Variants in MS4A12 observed in about 807,000 individuals in gnomAD.
MS4A12 encodes the protein membrane spanning 4-domains A12.
Under a neutral mutation model 23.7 loss-of-function variants are expected in MS4A12, and 28 were observed. The ratio of observed to expected loss-of-function variants is 1.18; its 90% CI spans 0.88 to 1.62. The LOEUF (loss-of-function observed/expected upper bound fraction) is 1.62, where lower values mean the gene tolerates loss of function less well. Ranked by LOEUF, MS4A12 falls within the 40% of genes most tolerant of loss-of-function variation. MS4A12 has a pLI of 0.00. For missense variants in MS4A12, 342 were observed against 327.0 expected (o/e 1.05, Z -0.35); for synonymous variants, 108 against 110.1 (o/e 0.98, Z 0.12).
rs137894801 is a variant in MS4A12 at position 60,497,460 on chromosome 11, C to G, written c.142C>G (p.Arg48Gly). The G allele has an allele frequency of 6.8e-6, 11 of 1,614,162 alleles. No homozygotes were observed. Among genetic ancestry groups the G allele is most frequent in the Middle Eastern group, 1.6e-4 (1 of 6,062 alleles). The change falls in exon 2 of 7, where the codon CGT (arginine) becomes GGT (glycine). Residue 48 changes from arginine to glycine, a missense_variant. Transcript: ENST00000016913. ...AGAAAACCAAGCTCAGGGTGCTCAG[C>G]GTGCTCAGCCCTACGGCATCACATC... is the stretch of plus-strand genomic sequence containing the variant. ...NLENQAQGAQRAQPYGITSPG... is the reference protein window; with the variant it reads ...NLENQAQGAQGAQPYGITSPG...
intron 3 of MS4A12, 116 bp downstream of exon 3, chr11:60,501,298 T>C: frequency 8.7e-7 from 1 of 1,149,130 alleles, no homozygotes. Flanking sequence ...AAGCCCTACA[T>C]CTGAGGGCTG....
intron 1 of MS4A12, among the ~76,000 whole-genome samples, chr11:60,496,616 A>C (rs551783956): frequency 6.6e-6 from 1 of 152,358 alleles, no homozygotes; most frequent in Admixed American, 6.5e-5. Context: ...GTATTGTATT[A>C]CTTGGCCCCT....
chr11:60,495,762 T>TA (rs1370344644), intron 1 of MS4A12, among the ~76,000 whole-genome samples: 1 of 152,204 alleles, frequency 6.6e-6, no homozygotes, highest in African/African-American at 2.4e-5. Context: ...TTAATAAATG[T>TA]TAGCTCTCTA....
chr11:60,498,013 G>T, intron 2 of MS4A12: 1 of 172,428 alleles, frequency 5.8e-6, no homozygotes. Flanking sequence ...GTCTGGGAAA[G>T]GCTGAGTGTG....
At chr11:60,500,297 G>T (rs7946021) in intron 2 of MS4A12, among the ~76,000 whole-genome samples, 1 of 150,616 alleles carries the variant, frequency 6.6e-6, no homozygotes, top group Non-Finnish European at 1.5e-5. Context: ...CCAAAATCAA[G>T]TAATAAGGTG....
chr11:60,497,705 A>C, intron 2 of MS4A12, 111 bp downstream of exon 2: 1 of 1,198,914 alleles, frequency 8.3e-7, no homozygotes, highest in Non-Finnish European at 1.2e-6. Flanking sequence ...TTCTGAAATT[A>C]TCTCTTTTAG....
rs143491330 is a variant in MS4A12 at position 60,499,061 on chromosome 11, G to A, written c.276+1467G>A. Among the ~76,000 whole-genome samples, 557 of 152,282 alleles carry A rather than the reference G, an allele frequency of 3.7e-3. 6 individuals are homozygous for A. Among genetic ancestry groups the A allele is most frequent in the African/African-American group, 0.013 (529 of 41,538 alleles). Reference sequence around the variant, plus strand: ...GCATGCTGCCCGGCACCGAAGAGGCGTGTGATAAAAATACTTTAAAAGAAT... The same window carrying A: ...GCATGCTGCCCGGCACCGAAGAGGCATGTGATAAAAATACTTTAAAAGAAT... On this transcript the variant is annotated intron_variant, in intron 2 of 6. Transcript: ENST00000016913.
chr11:60,503,554 C>T, intron 4 of MS4A12, 147 bp from the exon 5 acceptor site: 2 of 632,864 alleles, frequency 3.2e-6, no homozygotes, highest in South Asian at 2.1e-5. Flanking sequence ...TGGTAATTAC[C>T]CAGAAGGGCA....
At chr11:60,502,650 A>AT (rs1270436480) in intron 4 of MS4A12, among the ~76,000 whole-genome samples, 1 of 152,324 alleles carries the variant, frequency 6.6e-6, no homozygotes, top group East Asian at 1.9e-4. Context: ...AAAGAAAGTG[A>AT]TTTATCAAGA....
chr11:60,497,762 A>AT lies in MS4A12; in HGVS notation c.276+172dup. 3.8e-6 allele frequency: 3 copies of AT among 780,534 alleles called. 1 individual carries two copies. Among genetic ancestry groups the AT allele is most frequent in the Admixed American group, 6.2e-5 (2 of 32,078 alleles). 48.4% of individuals were successfully genotyped at this position (780,534 alleles called of 1,614,324 possible). A position where few individuals can be genotyped will look rare whatever the true frequency, so the allele number is the denominator to read the frequency against. On this transcript the variant is annotated intron_variant, in intron 2 of 6. Coordinates refer to ENST00000016913, the MANE Select transcript of MS4A12 (RefSeq NM_017716.3). ...ATAGACTTTCCCTTGAGTTCATTTC[A>AT]TTTTAGATCAAGCAAAAATATAACA... is the stretch of plus-strand genomic sequence containing the variant.
At chr11:60,495,224 G>T (rs961838118) in intron 1 of MS4A12, among the ~76,000 whole-genome samples, 1 of 150,762 alleles carries the variant, frequency 6.6e-6, no homozygotes, top group African/African-American at 2.4e-5. Context: ...GGATGGTCTC[G>T]ATCTCCTGAC....
At chr11:60,502,255 T>A (rs989112575) in intron 4 of MS4A12, among the ~76,000 whole-genome samples, 1 of 152,196 alleles carries the variant, frequency 6.6e-6, no homozygotes, top group African/African-American at 2.4e-5. Flanking sequence ...GACTCTTGAA[T>A]TCACAAAGGT....
At chr11:60,504,901 G>A (rs4939383) in intron 5 of MS4A12, among the ~76,000 whole-genome samples, 76,217 of 151,838 alleles carry the variant, frequency 0.5, 19,502 homozygotes, top group Admixed American at 0.6. Context: ...TGAAGTGTCA[G>A]TAGTTTGAAT....
chr11:60,495,237 C>T (rs973232034), intron 1 of MS4A12, among the ~76,000 whole-genome samples: 6 of 151,458 alleles, frequency 4.0e-5, no homozygotes, highest in Non-Finnish European at 5.9e-5. Flanking sequence ...CTCCTGACCT[C>T]GGGATCTGCC....
intron 6 of MS4A12, 67 bp from the exon 7 acceptor site, chr11:60,506,953 A>G (rs776030860): frequency 2.6e-6 from 4 of 1,532,160 alleles, no homozygotes; most frequent in African/African-American, 2.7e-5. Context: ...CTTCACTCTG[A>G]TGGTACCAGG....
chr11:60,496,040 G>C (rs917775514), intron 1 of MS4A12, among the ~76,000 whole-genome samples: 1 of 152,286 alleles, frequency 6.6e-6, no homozygotes, highest in African/African-American at 2.4e-5. Flanking sequence ...CATGTTTTCT[G>C]TGTAACCTTG....
In MS4A12 at chr11:60,506,702, A is replaced by G. The variant is rs757276266; in HGVS notation, c.589-26A>G. The G allele has an allele frequency of 1.3e-5, 21 of 1,604,880 alleles. No individual in the cohort carries two copies. The Middle Eastern group carries it at 6.6e-4, about 50-fold the overall frequency. On this transcript the variant is annotated intron_variant, in intron 5 of 6. Coordinates refer to ENST00000016913, the MANE Select transcript of MS4A12 (RefSeq NM_017716.3). ...CGTGAGGCCCTCCTGATTAGCCAAA[A>G]TTTCACTATTTATTTATGATTTCAG...
chr11:60,505,395 G>A (rs1290143296), intron 5 of MS4A12, among the ~76,000 whole-genome samples: 1 of 152,112 alleles, frequency 6.6e-6, no homozygotes, highest in Non-Finnish European at 1.5e-5. Context: ...AGATTTGGGT[G>A]GGGACACAGA....
intron 5 of MS4A12, among the ~76,000 whole-genome samples, chr11:60,504,274 C>T (rs776629931): frequency 1.3e-5 from 2 of 152,146 alleles, no homozygotes; most frequent in Admixed American, 6.6e-5. Flanking sequence ...AAATGAAGCA[C>T]GTATCTCTGA....
Sources: allele counts gnomAD v4.1 joint callset (sites outside exome capture counted in the v4.1 genomes callset), GRCh38; gene constraint gnomAD v4.1.1; transcripts MANE v1.5; gene names NCBI Gene and HGNC (gene_info 2026-07-23, HGNC 2026-07-21).